The following ELMO2 variants were observed in gnomAD, a reference collection of about 807,000 sequenced individuals.
ELMO2 encodes the protein engulfment and cell motility 2, also known as engulfment and cell motility protein 2.
ELMO2 carries 37 observed loss-of-function variants against 96.2 expected under a neutral mutation model. That is an observed-to-expected ratio of 0.38 (90% CI 0.30 to 0.51). ELMO2 has a LOEUF of 0.51. Among genes scored for constraint, ELMO2 ranks in the 20% least tolerant of loss-of-function variants. The pLI, the probability that ELMO2 is intolerant of heterozygous loss-of-function variation, is 0.88. For missense variants in ELMO2, 561 were observed against 912.6 expected (o/e 0.61, Z 4.96); for synonymous variants, 315 against 329.4 (o/e 0.96, Z 0.47).
In ELMO2 at chr20:46,394,538, G is replaced by A. The variant is rs1489567721; in HGVS notation, c.-50-6C>T. ...AAAAACACAGACACGGCTGCCTGGG[G>A]AGAAAGAATCAGAAAGGTGGAAAAA... is the stretch of plus-strand genomic sequence containing the variant. On this transcript the variant is annotated splice_polypyrimidine_tract_variant and splice_region_variant and intron_variant, in intron 2 of 21. Transcript: ENST00000290246. 3.8e-6 allele frequency: 6 copies of A among 1,575,104 alleles called. No individual in the cohort carries two copies. Among genetic ancestry groups the A allele is most frequent in the Non-Finnish European group, 5.2e-6 (6 of 1,144,730 alleles).
At chr20:46,374,765 C>T (rs139433770) in intron 13 of ELMO2, 125 bp from the exon 14 acceptor site, 20 of 761,698 alleles carry the variant, frequency 2.6e-5, no homozygotes, top group Non-Finnish European at 3.9e-5. Flanking sequence ...TGTCCTAGCT[C>T]TTTTCACACC....
At chr20:46,384,318 T>G (rs2060005249) in intron 9 of ELMO2, among the ~76,000 whole-genome samples, 5 of 152,346 alleles carry the variant, frequency 3.3e-5, no homozygotes, top group Admixed American at 3.3e-4. Context: ...CATCTCCACC[T>G]GCCATGTCTT....
At chr20:46,389,286 C>T in intron 6 of ELMO2, 66 bp from the exon 7 acceptor site, 1 of 1,495,468 alleles carries the variant, frequency 6.7e-7, no homozygotes, top group South Asian at 1.3e-5. Context: ...CTGTGGATAG[C>T]TCACAGAGGC....
rs2059597308 is a variant in ELMO2, at chr20:46,367,012, C to CA, written c.*347dup. The CA allele has an allele frequency of 5.3e-6, 1 of 187,256 alleles. No homozygotes were observed. Among genetic ancestry groups the CA allele is most frequent in the Admixed American group, 6.2e-5 (1 of 16,236 alleles). 11.6% of individuals were successfully genotyped at this position (187,256 alleles called of 1,614,324 possible). ...TTGCTCACGTGGGGATCCAGCTGAT[C>CA]AGAGAGCAGGCTCAGGAGGAAAAGG... is the stretch of plus-strand genomic sequence containing the variant. On this transcript the variant is annotated 3_prime_UTR_variant, in exon 22 of 22. Transcript: ENST00000290246.
intron 11 of ELMO2, among the ~76,000 whole-genome samples, chr20:46,379,362 A>G (rs1235319162): frequency 1.3e-5 from 2 of 151,880 alleles, no homozygotes; most frequent in Non-Finnish European, 2.9e-5. Flanking sequence ...ACCTCCCAAC[A>G]TCAGCCCTAC....
intron 6 of ELMO2, among the ~76,000 whole-genome samples, chr20:46,392,402 G>C (rs2060166005): frequency 6.6e-6 from 1 of 151,964 alleles, no homozygotes; most frequent in African/African-American, 2.4e-5. Context: ...TGCCTTCACT[G>C]GGCTGTTAAC....
At chr20:46,388,592 C>T (rs1327318691) in intron 7 of ELMO2, among the ~76,000 whole-genome samples, 15 of 148,122 alleles carry the variant, frequency 1.0e-4, no homozygotes, top group South Asian at 8.7e-4. Flanking sequence ...CAAAGGAAGG[C>T]GTGTGTGTGT....
intron 1 of ELMO2, among the ~76,000 whole-genome samples, chr20:46,402,864 T>C (rs1335487902): frequency 2.0e-5 from 3 of 152,150 alleles, no homozygotes; most frequent in Admixed American, 2.0e-4. Flanking sequence ...CTGATCTACA[T>C]CGGGGGCTGG....
rs753440055 is a variant in ELMO2 at position 46,371,575 on chromosome 20, T to C, written c.1693+4A>G. 1.2e-5 allele frequency: 20 copies of C among 1,602,692 alleles called. No individual in the cohort carries two copies. The East Asian group carries it at 4.2e-4, about 34-fold the overall frequency. On this transcript the variant is annotated splice_donor_region_variant and intron_variant, in intron 18 of 21. Coordinates refer to ENST00000290246, the MANE Select transcript of ELMO2 (RefSeq NM_133171.5). The surrounding 1 kb of genome is among the most constrained non-coding windows in gnomAD (Gnocchi z 5.9). ...GCACCAAGGATTGCCCCGTCTCCTC[T>C]CACCTTGCCTTCGGCGGTTCCCAAT...
intron 1 of ELMO2, among the ~76,000 whole-genome samples, chr20:46,406,101 A>ACGCGGGCAGC (rs1206572046): frequency 6.6e-6 from 1 of 152,122 alleles, no homozygotes; most frequent in Non-Finnish European, 1.5e-5. Flanking sequence ...GGACTGGTGG[A>ACGCGGGCAGC]CGCGGGCAGC....
At chr20:46,384,140 G>A (rs1418168801) in intron 9 of ELMO2, among the ~76,000 whole-genome samples, 2 of 152,058 alleles carry the variant, frequency 1.3e-5, no homozygotes, top group African/African-American at 4.8e-5. Context: ...AATACTGAAG[G>A]GACATTCAAT....
chr20:46,388,974 T>G (rs2060098907), intron 7 of ELMO2, 65 bp downstream of exon 7: 6 of 1,526,374 alleles, frequency 3.9e-6, no homozygotes, highest in Non-Finnish European at 8.9e-7. Flanking sequence ...GAAATGAGAC[T>G]AGGATGCCCT....
chr20:46,373,507 C>T lies in ELMO2; in HGVS notation c.1308G>A (p.Pro436=), dbSNP rs572776033. The T allele has an allele frequency of 8.1e-6, 13 of 1,614,144 alleles. No homozygotes were observed. In the East Asian group the frequency reaches 1.1e-4, roughly 14 times the overall value. The change falls in exon 16 of 22, where the codon CCG becomes CCA. Residue 436 remains proline, a synonymous_variant. Transcript: ENST00000290246. ...LPNEGRNDYH[P]MFFTHDRAFE... ...AGGCTCGGTCATGGGTAAAGAACAT[C>T]GGGTGGTAGTCATTGCGTCCTTCAT...
chr20:46,383,763 A>C (rs1600851651), intron 9 of ELMO2, among the ~76,000 whole-genome samples: 1 of 152,252 alleles, frequency 6.6e-6, no homozygotes, highest in South Asian at 2.1e-4. Flanking sequence ...AAGTAATCCA[A>C]ATGGTCACAT....
chr20:46,388,969 G>A (rs940660593), intron 7 of ELMO2, 70 bp downstream of exon 7: 11 of 1,505,208 alleles, frequency 7.3e-6, no homozygotes, highest in Non-Finnish European at 9.9e-6. Context: ...CAAGGGAAAT[G>A]AGACTAGGAT....
At chr20:46,372,289 A>G (rs79585740) in intron 16 of ELMO2, among the ~76,000 whole-genome samples, 4,532 of 152,304 alleles carry the variant, frequency 0.03, 239 homozygotes, top group African/African-American at 0.1. Flanking sequence ...TTAGGTGTGC[A>G]TCTACTCATC....
intron 7 of ELMO2, among the ~76,000 whole-genome samples, chr20:46,388,333 G>T (rs568958617): frequency 2.0e-5 from 3 of 152,268 alleles, no homozygotes; most frequent in Middle Eastern, 3.4e-3. Context: ...TTAGTTACTC[G>T]ATTTGGCTAA....
chr20:46,374,240 C>T (rs900503082), intron 15 of ELMO2, 92 bp downstream of exon 15: 3 of 1,045,770 alleles, frequency 2.9e-6, no homozygotes, highest in Non-Finnish European at 3.0e-6. Context: ...CCACGCCCGA[C>T]CCCACTGACA....
At chr20:46,376,622 C>G (rs924969930) in intron 11 of ELMO2, 1 of 1,289,384 alleles carries the variant, frequency 7.8e-7, no homozygotes, top group South Asian at 1.2e-5. Flanking sequence ...ATTCCTGTCT[C>G]TCACCATCCT....
Sources: gnomAD v4.1 joint callset for allele counts (sites outside exome capture counted in the v4.1 genomes callset) on GRCh38, gnomAD v4.1.1 for gene constraint, Gnocchi (gnomAD v3.1) non-coding constraint, MANE v1.5 for transcripts, NCBI Gene and HGNC (gene_info 2026-07-23, HGNC 2026-07-21) for gene names.